MINDY4: variants seen among roughly 807,000 people sequenced by gnomAD.
MINDY4 encodes the protein probable ubiquitin carboxyl-terminal hydrolase MINDY-4.
Under a neutral mutation model 87.0 loss-of-function variants are expected in MINDY4, and 68 were observed. That is an observed-to-expected ratio of 0.78 (90% CI 0.64 to 0.96). The LOEUF (loss-of-function observed/expected upper bound fraction) is 0.96. Among genes scored for constraint, MINDY4 ranks in the 40% least tolerant of loss-of-function variants. MINDY4 has a pLI of 0.00. For missense variants in MINDY4, 919 were observed against 928.2 expected, an observed-to-expected ratio of 0.99 and a Z score of 0.13; for synonymous variants, 379 against 363.2, an observed-to-expected ratio of 1.04 and a Z score of -0.50.
chr7:30,885,427 G>A (rs1001650770), intron 17 of MINDY4, among the ~76,000 whole-genome samples: 2 of 152,102 alleles, frequency 1.3e-5, no homozygotes, highest in African/African-American at 2.4e-5. Flanking sequence ...CAGGAGAATC[G>A]CTTGAACCTG....
In MINDY4 at chr7:30,882,362, G is replaced by A. The variant is rs370780288; in HGVS notation, c.2152+1G>A. On this transcript the variant is annotated splice_donor_variant, in intron 16 of 17. Coordinates refer to ENST00000265299, the MANE Select transcript of MINDY4 (RefSeq NM_032222.3). LOFTEE classifies it high-confidence loss of function. ...CAGGAGCAGATCCGGCTGACCATTG[G>A]TGCGGGCCCTCACCCCCCCACCCAC... 1.9e-6 allele frequency: 3 copies of A among 1,566,946 alleles called. No homozygotes were observed. The African/African-American group carries it at 4.1e-5, about 21-fold the overall frequency.
chr7:30,825,064 A>G (rs1664559331), intron 5 of MINDY4, among the ~76,000 whole-genome samples: 1 of 152,172 alleles, frequency 6.6e-6, no homozygotes, highest in South Asian at 2.1e-4. Flanking sequence ...GCCCCCATGA[A>G]TTTATTAGTT....
chr7:30,845,714 C>T (rs1004013984), intron 9 of MINDY4, among the ~76,000 whole-genome samples: 2 of 152,014 alleles, frequency 1.3e-5, no homozygotes, highest in African/African-American at 4.8e-5. Flanking sequence ...TTGCCCACCA[C>T]ATCTGGTGGG....
At chr7:30,840,665 A>T in intron 8 of MINDY4, 95 bp from the exon 9 acceptor site, 1 of 995,938 alleles carries the variant, frequency 1.0e-6, no homozygotes, top group Non-Finnish European at 1.5e-6. Context: ...GGGCCCCTTT[A>T]CTCTATCAGG....
intron 5 of MINDY4, among the ~76,000 whole-genome samples, chr7:30,815,028 G>C (rs927030516): frequency 6.6e-6 from 1 of 152,194 alleles, no homozygotes. Context: ...GTGGGACTCA[G>C]CCTCTCGTTG....
At chr7:30,867,605 G>A (rs1341229267) in intron 13 of MINDY4, among the ~76,000 whole-genome samples, 3 of 152,138 alleles carry the variant, frequency 2.0e-5, no homozygotes, top group Admixed American at 2.0e-4. Context: ...AGTTCTCTTG[G>A]TTGTACCACA....
chr7:30,840,008 T>C (rs1264665280), intron 8 of MINDY4, among the ~76,000 whole-genome samples: 3 of 152,072 alleles, frequency 2.0e-5, no homozygotes, highest in African/African-American at 7.2e-5. Context: ...CTGCCTGAGG[T>C]CGAGCCCCAG....
At chr7:30,820,025 C>T (rs112225720) in intron 5 of MINDY4, among the ~76,000 whole-genome samples, 4,786 of 149,118 alleles carry the variant, frequency 0.032, 123 homozygotes, top group Middle Eastern at 0.092. Context: ...CCTCAGCCTC[C>T]CAAGTAGCTG....
At chr7:30,776,578 C>T (rs1786823818) in intron 1 of MINDY4, among the ~76,000 whole-genome samples, 1 of 152,220 alleles carries the variant, frequency 6.6e-6, no homozygotes, top group South Asian at 2.1e-4. Flanking sequence ...TTCATCTGTT[C>T]ACTGCTCTGC....
chr7:30,835,765 T>G (rs1384074619), intron 6 of MINDY4, among the ~76,000 whole-genome samples: 1 of 152,240 alleles, frequency 6.6e-6, no homozygotes, highest in East Asian at 1.9e-4. Flanking sequence ...TGGAGTTCAC[T>G]CTGCTCAGCC....
At chr7:30,777,582 C>T (rs1786863684) in intron 1 of MINDY4, among the ~76,000 whole-genome samples, 1 of 152,146 alleles carries the variant, frequency 6.6e-6, no homozygotes, top group Non-Finnish European at 1.5e-5. Flanking sequence ...TGTCATGTTT[C>T]CCCAGCAGCT....
At chr7:30,809,035 A>G (rs1195699366) in intron 5 of MINDY4, among the ~76,000 whole-genome samples, 3 of 152,028 alleles carry the variant, frequency 2.0e-5, no homozygotes, top group Admixed American at 1.3e-4. Flanking sequence ...AAAGAAAGAA[A>G]GAGAGAGATA....
chr7:30,824,135 C>T (rs1044519359), intron 5 of MINDY4, among the ~76,000 whole-genome samples: 1 of 152,138 alleles, frequency 6.6e-6, no homozygotes, highest in African/African-American at 2.4e-5. Flanking sequence ...TTGTGTCCTA[C>T]AGTTCTGGAG....
chr7:30,771,699 C>G, intron 1 of MINDY4, 143 bp downstream of exon 1: 1 of 801,360 alleles, frequency 1.2e-6, no homozygotes, highest in Non-Finnish European at 1.9e-6. Context: ...AGAAGAGCGC[C>G]GCTTTCCCGG....
chr7:30,815,922 G>A (rs1788133923), intron 5 of MINDY4, among the ~76,000 whole-genome samples: 1 of 152,222 alleles, frequency 6.6e-6, no homozygotes, highest in Admixed American at 6.5e-5. Flanking sequence ...AATGAAGGCA[G>A]TGCCTCAAAT....
chr7:30,839,189 T>C lies in MINDY4; in HGVS notation c.1240-11T>C, dbSNP rs1788959217. 1 of 1,571,616 alleles carries C rather than the reference T, an allele frequency of 6.4e-7. No individual in the cohort carries two copies. On this transcript the variant is annotated splice_polypyrimidine_tract_variant and intron_variant, in intron 7 of 17. Coordinates refer to ENST00000265299, the MANE Select transcript of MINDY4 (RefSeq NM_032222.3). The stretch of plus-strand genomic sequence containing the variant: ...TAAAACAACCAGTAAAACTCTCTCT[T>C]CTTTTTATAGGAAATAAAGACCCTT...
At chr7:30,805,618 T>G (rs746787327) in intron 5 of MINDY4, among the ~76,000 whole-genome samples, 3 of 151,880 alleles carry the variant, frequency 2.0e-5, no homozygotes, top group African/African-American at 7.3e-5. Context: ...TTTCGGACCC[T>G]TAGGAGAGGT....
In MINDY4 at chr7:30,849,164, G is replaced by T. The variant is rs150181548; in HGVS notation, c.1446-1290G>T. Among the ~76,000 whole-genome samples the T allele has an allele frequency of 1.2e-4, 18 of 152,282 alleles. No homozygotes were observed. In the East Asian group the frequency reaches 3.5e-3, roughly 29 times the overall value. On this transcript the variant is annotated intron_variant, in intron 9 of 17. Transcript: ENST00000265299. ...CATGCTGCCCACTGTGGTGGGCTGG[G>T]TTCTGGTCTGGTTTCTTTTCTCCTG...
At chr7:30,805,037 A>G (rs931543132) in intron 5 of MINDY4, among the ~76,000 whole-genome samples, 24 of 152,236 alleles carry the variant, frequency 1.6e-4, no homozygotes, top group African/African-American at 5.5e-4. Flanking sequence ...TCTAGGCAAT[A>G]GAGAGGGATA....
Sources: allele counts gnomAD v4.1 joint callset (sites outside exome capture counted in the v4.1 genomes callset), GRCh38; gene constraint gnomAD v4.1.1; transcripts MANE v1.5; gene names NCBI Gene and HGNC (gene_info 2026-07-23, HGNC 2026-07-21).